NIBAN3: variants seen among roughly 807,000 people sequenced by gnomAD.
NIBAN3 encodes the protein niban apoptosis regulator 3, also known as protein Niban 3.
NIBAN3 carries 66 observed loss-of-function variants against 76.4 expected under a neutral mutation model. That is an observed-to-expected ratio of 0.86 (90% CI 0.71 to 1.06). The LOEUF is 1.06. Among genes scored for constraint, NIBAN3 ranks in the 50% least tolerant of loss-of-function variants. NIBAN3 has a pLI of 0.00. For missense variants in NIBAN3, 808 were observed against 810.7 expected, an observed-to-expected ratio of 1.00 and a Z score of 0.04; for synonymous variants, 360 against 355.2, an observed-to-expected ratio of 1.01 and a Z score of -0.15.
Position 17,542,202 on chromosome 19 carries a change from C to T in NIBAN3, c.1237C>T (p.Arg413Trp), listed in dbSNP as rs368873219. The part of the protein sequence containing the change: ...LMQTCYREAE[R>W]SRGRLGQLAA... ...GCAGACATGCTACCGTGAGGCCGAG[C>T]GGAGCCGGGGGCGCTTGGGGCAGCT... is the stretch of plus-strand genomic sequence containing the variant. The change falls in exon 10 of 15, where the codon CGG becomes TGG. Residue 413 changes from arginine (R) to tryptophan (W), a missense_variant. By Grantham distance (101) the Arg-to-Trp change is moderately radical (BLOSUM62 -3). Coordinates refer to ENST00000599164, the MANE Select transcript of NIBAN3 (RefSeq NM_001321827.2). The surrounding 1 kb of genome is among the most constrained non-coding windows in gnomAD (Gnocchi z 4.8). 13 of 1,614,046 alleles carry T rather than the reference C, an allele frequency of 8.1e-6. No individual in the cohort carries two copies. The highest frequency in any genetic ancestry group is 5.0e-5 in the Admixed American group (3 of 60,008).
rs114849169 is a variant in NIBAN3, at chr19:17,542,159, G to T, written c.1194G>T (p.Pro398=). The part of the protein sequence containing the change: ...RREVYSFGEM[P]WDLALMQTCY... ...AGGTTTACTCATTTGGGGAGATGCC[G>T]TGGGACTTGGCGCTGATGCAGACAT... The change falls in exon 10 of 15, where the codon CCG becomes CCT. Residue 398 remains proline, a synonymous_variant. Transcript: ENST00000599164. This position sits in a 1 kb window ranked among gnomAD's most constrained non-coding sequence, Gnocchi z 4.8. 1,153 of 1,614,046 alleles carry T rather than the reference G, an allele frequency of 7.1e-4. 1 individual carries two copies. Among genetic ancestry groups the T allele is most frequent in the Non-Finnish European group, 9.3e-4 (1,093 of 1,180,042 alleles).
Position 17,553,248 on chromosome 19 carries a change from T to C in NIBAN3, c.*1350T>C, listed in dbSNP as rs2076182763. On this transcript the variant is annotated 3_prime_UTR_variant, in exon 15 of 15. Coordinates refer to ENST00000599164, the MANE Select transcript of NIBAN3 (RefSeq NM_001321827.2). ...TCTGAAGGATATGAACGCTTTGTGA[T>C]ACAGGTTACAGATTTTGGGGTTTTT... 18 of 1,580,466 alleles carry C rather than the reference T, an allele frequency of 1.1e-5. No homozygotes were observed. The highest frequency in any genetic ancestry group is 1.2e-5 in the South Asian group (1 of 86,474).
chr19:17,527,087 G>T (rs918673087), upstream of NIBAN3, among the ~76,000 whole-genome samples: 7 of 152,168 alleles, frequency 4.6e-5, no homozygotes, highest in South Asian at 2.1e-4. Flanking sequence ...GACGAGCTAT[G>T]ATTTTCTTTC....
intron 4 of NIBAN3, among the ~76,000 whole-genome samples, chr19:17,535,139 C>T (rs2075803251): frequency 6.6e-6 from 1 of 152,156 alleles, no homozygotes; most frequent in Non-Finnish European, 1.5e-5. Context: ...ATGGCCTGGC[C>T]CTTGGTAATG....
chr19:17,530,317 CAAAACAA>C lies in NIBAN3; in HGVS notation c.56-421_56-415del, dbSNP rs1202360980. On this transcript the variant is annotated intron_variant, in intron 1 of 14. Coordinates refer to ENST00000599164, the MANE Select transcript of NIBAN3 (RefSeq NM_001321827.2). ...GCCTGACAACAGAGTGAGACTCCAT[CAAAACAA>C]AAAACAAAAAACAAAACAAAACAAA... Among the ~76,000 whole-genome samples, 7 of 144,714 alleles carry C rather than the reference CAAAACAA, an allele frequency of 4.8e-5. No homozygotes were observed. In the South Asian group the frequency reaches 6.6e-4, roughly 14 times the overall value. The allele number at this position is 144,714 out of a possible 152,430, so 94.9% of individuals were successfully genotyped here.
chr19:17,538,456 A>G (rs2075865787), intron 5 of NIBAN3, among the ~76,000 whole-genome samples: 1 of 150,046 alleles, frequency 6.7e-6, no homozygotes. Context: ...AGCCAGATGA[A>G]GAAGGGGAAT....
intron 4 of NIBAN3, among the ~76,000 whole-genome samples, chr19:17,533,907 G>A (rs941133216): frequency 2.6e-5 from 4 of 152,092 alleles, no homozygotes; most frequent in East Asian, 1.9e-4. Context: ...AGTGTCTCCC[G>A]GGGGCAGCGT....
At chr19:17,523,462 T>G (rs938549830), upstream of NIBAN3, 11 of 1,563,350 alleles carry the variant, frequency 7.0e-6, no homozygotes, top group African/African-American at 1.2e-4. Flanking sequence ...GGAAGGAGGT[T>G]GGTAAACAGC....
At chr19:17,523,525 G>T, upstream of NIBAN3, 1 of 1,393,378 alleles carries the variant, frequency 7.2e-7, no homozygotes. Flanking sequence ...GCAGGAGGCC[G>T]TGGCCCCCAG....
chr19:17,526,141 G>A (rs577685908), upstream of NIBAN3, among the ~76,000 whole-genome samples: 23 of 151,730 alleles, frequency 1.5e-4, no homozygotes, highest in South Asian at 1.2e-3. Flanking sequence ...ATGAAACCCC[G>A]TCTCTACTGA....
intron 1 of NIBAN3, among the ~76,000 whole-genome samples, chr19:17,527,728 G>GTT (rs991449044): frequency 6.8e-6 from 1 of 146,094 alleles, no homozygotes; most frequent in South Asian, 2.2e-4. Context: ...TTCATTGGTT[G>GTT]TTTTTTTTTT....
At chr19:17,531,324 CAAACA>C (rs1157378429) in intron 2 of NIBAN3, among the ~76,000 whole-genome samples, 1 of 99,212 alleles carries the variant, frequency 1.0e-5, no homozygotes, top group Middle Eastern at 4.7e-3. Flanking sequence ...TAGACTCTGT[CAAACA>C]CACACACACA....
At position 17,539,370 on chromosome 19, in the gene NIBAN3, G is replaced by A. The variant is rs1271963338; in HGVS notation, c.735G>A (p.Arg245=). The A allele has an allele frequency of 7.1e-6, 11 of 1,543,640 alleles. No individual in the cohort carries two copies. Among genetic ancestry groups the A allele is most frequent in the Non-Finnish European group, 8.7e-6 (10 of 1,146,702 alleles). ...AGGTGCTGACCGCGGTGCTGATGCGGGAGCAACTTCCCGCGCTGCGAGCCC... is the reference window on the plus strand; with the variant it reads ...AGGTGCTGACCGCGGTGCTGATGCGAGAGCAACTTCCCGCGCTGCGAGCCC... ...DAEVLTAVLM[R]EQLPALRAQT... Residue 245 remains arginine, a synonymous_variant, in exon 7 of 15, where the codon CGG becomes CGA. Transcript: ENST00000599164.
At chr19:17,534,594 A>G (rs778841497) in intron 4 of NIBAN3, among the ~76,000 whole-genome samples, 8 of 152,126 alleles carry the variant, frequency 5.3e-5, no homozygotes, top group Non-Finnish European at 8.8e-5. Context: ...GATCAAGACC[A>G]TCCTGGCTAA....
In NIBAN3 at chr19:17,543,453, G is replaced by A; in HGVS notation, c.1446+20G>A. The stretch of plus-strand genomic sequence containing the variant: ...CTGAAGGTGTGTTCTGTGGGTACGG[G>A]GTGGCATGGGGTGGCAGTGGGCCTG... On this transcript the variant is annotated intron_variant, in intron 11 of 14. Coordinates refer to ENST00000599164, the MANE Select transcript of NIBAN3 (RefSeq NM_001321827.2). 1 of 1,608,726 alleles carries A rather than the reference G, an allele frequency of 6.2e-7. No individual in the cohort carries two copies. The highest frequency in any genetic ancestry group is 8.5e-7 in the Non-Finnish European group (1 of 1,175,128).
chr19:17,545,978 C>T (rs539033484), intron 12 of NIBAN3: 20 of 442,242 alleles, frequency 4.5e-5, no homozygotes, highest in Non-Finnish European at 7.3e-5. Context: ...TGACACTTTT[C>T]GCTACCGCTA....
At chr19:17,525,968 C>A (rs556477311), upstream of NIBAN3, among the ~76,000 whole-genome samples, 8 of 151,876 alleles carry the variant, frequency 5.3e-5, no homozygotes, top group African/African-American at 1.9e-4. Flanking sequence ...AGCCAGAAAT[C>A]GCTTGAACCC....
At position 17,533,601 on chromosome 19, in the gene NIBAN3, G is replaced by A. The variant is rs762468692; in HGVS notation, c.327G>A (p.Gly109=). 5 of 1,613,722 alleles carry A rather than the reference G, an allele frequency of 3.1e-6. No individual in the cohort carries two copies. The South Asian group carries it at 3.3e-5, about 11-fold the overall frequency. Reference sequence around the variant, plus strand: ...ACCTTTTGTAGGAATATGAAAACGGGGGCCACTGCCTTGGCTCAACAGCCC... The same window carrying A: ...ACCTTTTGTAGGAATATGAAAACGGAGGCCACTGCCTTGGCTCAACAGCCC... ...WFSHKEEYEN[G]GHCLGSTALT... Residue 109 remains glycine (G), a synonymous_variant, in exon 4 of 15, where the codon GGG becomes GGA. Coordinates refer to ENST00000599164, the MANE Select transcript of NIBAN3 (RefSeq NM_001321827.2).
upstream of NIBAN3, among the ~76,000 whole-genome samples, chr19:17,525,354 C>A (rs547136232): frequency 6.6e-6 from 1 of 152,106 alleles, no homozygotes; most frequent in African/African-American, 2.4e-5. Context: ...TTCATTCATT[C>A]ATTCATTCAT....
Sources: gnomAD v4.1 joint callset for allele counts (sites outside exome capture counted in the v4.1 genomes callset) on GRCh38, gnomAD v4.1.1 for gene constraint, Gnocchi (gnomAD v3.1) non-coding constraint, MANE v1.5 for transcripts, NCBI Gene and HGNC (gene_info 2026-07-23, HGNC 2026-07-21) for gene names.